CALN1: variants seen among roughly 807,000 people sequenced by gnomAD.
The protein encoded by CALN1 is calcium-binding protein 8.
Under a neutral mutation model 30.6 loss-of-function variants are expected in CALN1, and 17 were observed. The ratio of observed to expected loss-of-function variants is 0.56; its 90% CI spans 0.38 to 0.83. The LOEUF (loss-of-function observed/expected upper bound fraction) is 0.83, where lower values mean the gene tolerates loss of function less well. Ranked by LOEUF, CALN1 falls within the 40% of genes least tolerant of loss-of-function variation. CALN1 has a pLI of 0.00. For synonymous variants in CALN1, 156 were observed against 131.4 expected, an observed-to-expected ratio of 1.19 and a Z score of -1.28; for missense variants, 291 against 354.9, an observed-to-expected ratio of 0.82 and a Z score of 1.45.
chr7:72,216,980 G>A (rs940933722), intron 3 of CALN1, among the ~76,000 whole-genome samples: 1 of 152,116 alleles, frequency 6.6e-6, no homozygotes, highest in African/African-American at 2.4e-5. Flanking sequence ...CTGGGCTCAA[G>A]TGATCCTCTC....
At chr7:72,381,963 T>C (rs1804928794) in intron 2 of CALN1, among the ~76,000 whole-genome samples, 1 of 152,148 alleles carries the variant, frequency 6.6e-6, no homozygotes, top group South Asian at 2.1e-4. Context: ...CTGAACTGAT[T>C]AAAGAGTAAG....
At chr7:72,299,938 C>T (rs1195674419) in intron 2 of CALN1, among the ~76,000 whole-genome samples, 4 of 152,082 alleles carry the variant, frequency 2.6e-5, no homozygotes, top group South Asian at 2.1e-4. Flanking sequence ...TGCTCTGTCA[C>T]CCAGGCTGGA....
At chr7:71,839,111 A>T (rs1214217507) in intron 5 of CALN1, among the ~76,000 whole-genome samples, 1 of 151,914 alleles carries the variant, frequency 6.6e-6, no homozygotes, top group Non-Finnish European at 1.5e-5. Flanking sequence ...AACCTGGCCC[A>T]TTTTATCATT....
chr7:72,214,579 C>G (rs1201347816), intron 3 of CALN1, among the ~76,000 whole-genome samples: 2 of 152,100 alleles, frequency 1.3e-5, no homozygotes, highest in African/African-American at 4.8e-5. Flanking sequence ...GATTGCACCA[C>G]TGCACTCCAG....
intron 1 of CALN1, among the ~76,000 whole-genome samples, chr7:72,411,527 T>G (rs1021720730): frequency 1.3e-5 from 2 of 152,236 alleles, no homozygotes; most frequent in African/African-American, 4.8e-5. Context: ...TATGGACGTA[T>G]CAGTTGTGTC....
At chr7:72,056,497 C>A (rs147585332) in intron 4 of CALN1, among the ~76,000 whole-genome samples, 3 of 152,036 alleles carry the variant, frequency 2.0e-5, no homozygotes, top group East Asian at 1.9e-4. Flanking sequence ...AAGGAAAAAT[C>A]GATTTTATTC....
chr7:71,966,909 C>T (rs897301470), intron 5 of CALN1, among the ~76,000 whole-genome samples: 4 of 152,208 alleles, frequency 2.6e-5, no homozygotes, highest in African/African-American at 9.7e-5. Flanking sequence ...TCTCTAGACA[C>T]TCTAAAATTT....
chr7:72,398,809 T>C (rs1418354371), intron 2 of CALN1, among the ~76,000 whole-genome samples: 1 of 152,230 alleles, frequency 6.6e-6, no homozygotes, highest in East Asian at 1.9e-4. Flanking sequence ...GCATTCCCCA[T>C]ATGACTTTAG....
chr7:72,073,784 T>G (rs1026477323), intron 4 of CALN1, among the ~76,000 whole-genome samples: 1 of 151,982 alleles, frequency 6.6e-6, no homozygotes. Context: ...GTTTCAACTT[T>G]CTGGACTCAA....
At chr7:72,332,603 C>T (rs1801749841) in intron 2 of CALN1, among the ~76,000 whole-genome samples, 1 of 152,040 alleles carries the variant, frequency 6.6e-6, no homozygotes, top group Admixed American at 6.5e-5. Context: ...CTGGGAGAGA[C>T]CACAAGTCAA....
At chr7:72,098,718 A>G (rs1241849806) in intron 4 of CALN1, among the ~76,000 whole-genome samples, 7 of 151,314 alleles carry the variant, frequency 4.6e-5, no homozygotes, top group Non-Finnish European at 1.0e-4. Flanking sequence ...TCTATAAAAA[A>G]TAAAATAAAA....
At chr7:72,402,175 T>C (rs1184230793) in intron 2 of CALN1, among the ~76,000 whole-genome samples, 3 of 152,174 alleles carry the variant, frequency 2.0e-5, no homozygotes, top group Non-Finnish European at 4.4e-5. Context: ...CCCCAGTAGG[T>C]AAGCGTTCTC....
rs1201082055 is a variant in CALN1 at position 72,337,296 on chromosome 7, G to A, written c.120-58486C>T. On this transcript the variant is annotated intron_variant, in intron 2 of 6. Coordinates refer to ENST00000395275, the MANE Select transcript of CALN1 (RefSeq NM_031468.4). ...GCTTCTGGGCTCGCCTTGGCCGCCT[G>A]CGCCCCAGCTCCTCCGAGGGTCGGG... 7.1e-6 allele frequency: 7 copies of A among 985,018 alleles called. No homozygotes were observed. In the Admixed American group the frequency reaches 2.5e-4, roughly 35 times the overall value. The allele number at this position is 985,018 out of a possible 1,614,324, so 61.0% of individuals were successfully genotyped here. A position where few individuals can be genotyped will look rare whatever the true frequency, so the allele number is the denominator to read the frequency against.
intron 3 of CALN1, among the ~76,000 whole-genome samples, chr7:72,160,525 C>T (rs928975334): frequency 2.1e-4 from 32 of 152,100 alleles, no homozygotes; most frequent in Middle Eastern, 3.4e-3. Flanking sequence ...GTGATCTGCC[C>T]ACCTCGACCC....
intron 3 of CALN1, among the ~76,000 whole-genome samples, chr7:72,141,220 C>T (rs570469330): frequency 3.3e-5 from 5 of 152,006 alleles, no homozygotes; most frequent in Non-Finnish European, 7.4e-5. Flanking sequence ...ATCACTTGAG[C>T]CCAGGAGGTT....
intron 3 of CALN1, among the ~76,000 whole-genome samples, chr7:72,155,046 G>A (rs570747629): frequency 1.3e-5 from 2 of 151,934 alleles, no homozygotes; most frequent in Non-Finnish European, 2.9e-5. Flanking sequence ...AACAGGGCAT[G>A]ATCATGTCTC....
intron 6 of CALN1, among the ~76,000 whole-genome samples, chr7:71,802,563 A>C (rs1391956420): frequency 2.6e-5 from 4 of 152,184 alleles, no homozygotes; most frequent in Admixed American, 2.6e-4. Context: ...CCTGGGCTCA[A>C]GTGATCCCTC....
At chr7:71,832,609 T>G (rs983959128) in intron 5 of CALN1, among the ~76,000 whole-genome samples, 2 of 151,998 alleles carry the variant, frequency 1.3e-5, no homozygotes, top group Non-Finnish European at 2.9e-5. Flanking sequence ...AGTGTTTCCT[T>G]TTTTGTTTTT....
At chr7:72,181,935 C>G (rs993394733) in intron 3 of CALN1, among the ~76,000 whole-genome samples, 13 of 152,206 alleles carry the variant, frequency 8.5e-5, no homozygotes. Context: ...AACTGGACTA[C>G]AAAGACAGGT....
Sources: gnomAD v4.1 joint callset for allele counts (sites outside exome capture counted in the v4.1 genomes callset) on GRCh38, gnomAD v4.1.1 for gene constraint, MANE v1.5 for transcripts, NCBI Gene and HGNC (gene_info 2026-07-23, HGNC 2026-07-21) for gene names.